The following BTBD7 variants were observed in gnomAD, a reference collection of about 807,000 sequenced individuals.
The protein encoded by BTBD7 is BTB domain containing 7.
In BTBD7, 38 loss-of-function variants were observed where a neutral mutation model predicts 99.9. The observed-to-expected ratio is 0.38, with a 90% CI of 0.29 to 0.50. The LOEUF (loss-of-function observed/expected upper bound fraction) is 0.50, where lower values mean the gene tolerates loss of function less well. Among genes scored for constraint, BTBD7 ranks in the 20% least tolerant of loss-of-function variants. The pLI is 0.93. For missense variants in BTBD7, 1,170 were observed against 1,394.6 expected, an observed-to-expected ratio of 0.84 and a Z score of 2.57; for synonymous variants, 520 against 511.4, an observed-to-expected ratio of 1.02 and a Z score of -0.23.
Position 93,294,518 on chromosome 14 carries a change from T to TA in BTBD7, c.501dup (p.Lys168Ter). ...TCTGGTGAGGAAGAAAGCAGTGTTT[T>TA]AAAAAATGGACACCTTGCTGCCAAA... On this transcript the variant is annotated frameshift_variant, in exon 3 of 11. Coordinates refer to ENST00000334746, the MANE Select transcript of BTBD7 (RefSeq NM_001002860.4). LOFTEE classifies it high-confidence loss of function. The TA allele has an allele frequency of 3.1e-6, 5 of 1,613,988 alleles. No individual in the cohort carries two copies. The highest frequency in any genetic ancestry group is 4.2e-6 in the Non-Finnish European group (5 of 1,179,960).
chr14:93,252,446 C>T (rs1261192462), intron 7 of BTBD7, among the ~76,000 whole-genome samples: 2 of 151,844 alleles, frequency 1.3e-5, no homozygotes, highest in East Asian at 3.9e-4. Flanking sequence ...GTCTTGACCT[C>T]CCAGGCTCAA....
At chr14:93,278,498 T>C (rs1386258103) in intron 3 of BTBD7, among the ~76,000 whole-genome samples, 1 of 152,168 alleles carries the variant, frequency 6.6e-6, no homozygotes, top group Non-Finnish European at 1.5e-5. Flanking sequence ...ACAGTGCACC[T>C]CACAGATGAT....
At position 93,242,047 on chromosome 14, in the gene BTBD7, G is replaced by A. The variant is rs1338489708; in HGVS notation, c.*226C>T. On this transcript the variant is annotated 3_prime_UTR_variant, in exon 11 of 11. Coordinates refer to ENST00000334746, the MANE Select transcript of BTBD7 (RefSeq NM_001002860.4). ...CTGCTTGTTCTTAAAAATGCCTCCC[G>A]ACATAATTGTTCAAAGACAAATTAG... The A allele has an allele frequency of 1.6e-5, 8 of 494,866 alleles. No homozygotes were observed. Among genetic ancestry groups the A allele is most frequent in the African/African-American group, 1.4e-4 (7 of 51,222 alleles). The allele number at this position is 494,866 out of a possible 1,614,324, so 30.7% of individuals were successfully genotyped here.
intron 3 of BTBD7, among the ~76,000 whole-genome samples, chr14:93,290,283 G>C (rs2052833301): frequency 6.6e-6 from 1 of 151,442 alleles, no homozygotes; most frequent in Admixed American, 6.6e-5. Flanking sequence ...TGCGATCTCA[G>C]CTCACTGCAA....
At chr14:93,271,742 C>T (rs2052603180) in intron 3 of BTBD7, among the ~76,000 whole-genome samples, 1 of 152,230 alleles carries the variant, frequency 6.6e-6, no homozygotes, top group Non-Finnish European at 1.5e-5. Flanking sequence ...TGATGGCTCA[C>T]ACCGGTAATC....
chr14:93,286,382 G>A (rs1210176193), intron 3 of BTBD7, among the ~76,000 whole-genome samples: 1 of 152,198 alleles, frequency 6.6e-6, no homozygotes, highest in Non-Finnish European at 1.5e-5. Context: ...CAAAGCCCCT[G>A]TTCTCTGGCT....
intron 2 of BTBD7, 47 bp downstream of exon 2, chr14:93,295,923 C>T: frequency 6.4e-7 from 1 of 1,568,410 alleles, no homozygotes; most frequent in Non-Finnish European, 8.8e-7. Flanking sequence ...AAACACAATT[C>T]TATTATAGTC....
chr14:93,278,526 A>C (rs1595305372), intron 3 of BTBD7, among the ~76,000 whole-genome samples: 1 of 152,220 alleles, frequency 6.6e-6, no homozygotes, highest in African/African-American at 2.4e-5. Flanking sequence ...CAGAGATCAT[A>C]TTCCCTCTTC....
In BTBD7 at chr14:93,242,392, T is replaced by C. The variant is rs1236187349; in HGVS notation, c.3280A>G (p.Ser1094Gly). ...TGAGCTCCATGGCCCAGGGACTCAC[T>C]GTCTGCCAGTCTTCTACCGGATCTC... ...EERSGRRLAD[S>G]ESLGHGAQRN... Residue 1094 changes from serine (S) to glycine (G), a missense_variant, in exon 11 of 11, where the codon AGT becomes GGT. Physicochemically the swap from Ser to Gly is moderately conservative, Grantham distance 56. Coordinates refer to ENST00000334746, the MANE Select transcript of BTBD7 (RefSeq NM_001002860.4). 5 of 1,614,106 alleles carry C rather than the reference T, an allele frequency of 3.1e-6. No homozygotes were observed. The African/African-American group carries it at 5.3e-5, about 17-fold the overall frequency.
chr14:93,326,416 G>A (rs1002725140), intron 1 of BTBD7, among the ~76,000 whole-genome samples: 3 of 152,280 alleles, frequency 2.0e-5, no homozygotes, highest in South Asian at 2.1e-4. Context: ...CTGGTGAGTC[G>A]TGATTGCACC....
chr14:93,309,088 TA>T (rs1415051577), intron 1 of BTBD7, among the ~76,000 whole-genome samples: 1 of 152,206 alleles, frequency 6.6e-6, no homozygotes, highest in Non-Finnish European at 1.5e-5. Context: ...CTCCCTTTTT[TA>T]AACATTCCCC....
chr14:93,261,487 AT>A, intron 5 of BTBD7, 114 bp downstream of exon 5: 1 of 834,378 alleles, frequency 1.2e-6, no homozygotes, highest in Non-Finnish European at 2.0e-6. Flanking sequence ...AAAAACTTCC[AT>A]TTTCACCAGG....
At chr14:93,324,377 G>T (rs1332089543) in intron 1 of BTBD7, among the ~76,000 whole-genome samples, 1 of 149,094 alleles carries the variant, frequency 6.7e-6, no homozygotes, top group African/African-American at 2.5e-5. Context: ...AGCTGTGATT[G>T]TATCACTGCA....
intron 3 of BTBD7, among the ~76,000 whole-genome samples, chr14:93,266,402 A>G (rs2052544289): frequency 6.6e-6 from 1 of 152,152 alleles, no homozygotes; most frequent in African/African-American, 2.4e-5. Context: ...ATCACAGGAA[A>G]AAAGCTCCAA....
intron 1 of BTBD7, among the ~76,000 whole-genome samples, chr14:93,324,314 T>A (rs1025295311): frequency 1.3e-5 from 2 of 151,510 alleles, no homozygotes; most frequent in East Asian, 3.9e-4. Flanking sequence ...TGGCTACTTC[T>A]CAGAAGCCTG....
rs1307791653 is a variant in BTBD7, at chr14:93,239,609, C to CACCTA, written c.*2659_*2663dup. 6.6e-6 allele frequency: 1 copy of CACCTA among 152,558 alleles called. No homozygotes were observed. The highest frequency in any genetic ancestry group is 1.5e-5 in the Non-Finnish European group (1 of 68,034). The allele number at this position is 152,558 out of a possible 1,614,324, so 9.5% of individuals were successfully genotyped here. A position where few individuals can be genotyped will look rare whatever the true frequency, so the allele number is the denominator to read the frequency against. On this transcript the variant is annotated 3_prime_UTR_variant, in exon 11 of 11. Coordinates refer to ENST00000334746, the MANE Select transcript of BTBD7 (RefSeq NM_001002860.4). ...ACAAGATACATTAAAAGTCCACTAA[C>CACCTA]ACCTAACCTAACGCACACAAAACCC...
Position 93,328,611 on chromosome 14 carries a change from TAAAAAAA to T in BTBD7, c.-107+4202_-107+4208del, listed in dbSNP as rs57161505. Among the ~76,000 whole-genome samples the T allele has an allele frequency of 2.8e-4, 29 of 101,872 alleles. No individual in the cohort carries two copies. In the East Asian group the frequency reaches 7.3e-3, roughly 26 times the overall value. The allele number at this position is 101,872 out of a possible 152,430, so 66.8% of individuals were successfully genotyped here. A position where few individuals can be genotyped will look rare whatever the true frequency, so the allele number is the denominator to read the frequency against. ...TAAGAGCCAGAACTATAAAATTCTT[TAAAAAAA>T]AAAAAAAAAAAAAAAAAAGGCTGGG... On this transcript the variant is annotated intron_variant, in intron 1 of 10. Transcript: ENST00000334746.
intron 8 of BTBD7, among the ~76,000 whole-genome samples, chr14:93,250,774 C>T (rs1422712670): frequency 6.6e-6 from 1 of 152,148 alleles, no homozygotes; most frequent in Non-Finnish European, 1.5e-5. Flanking sequence ...AGCCAATTCC[C>T]CTAAAGTCGT....
chr14:93,253,578 T>C lies in BTBD7; in HGVS notation c.1752+69A>G, dbSNP rs947253628. The C allele has an allele frequency of 9.2e-6, 13 of 1,413,524 alleles. No individual in the cohort carries two copies. The African/African-American group carries it at 1.5e-4, about 17-fold the overall frequency. The allele number at this position is 1,413,524 out of a possible 1,614,324, so 87.6% of individuals were successfully genotyped here. A position where few individuals can be genotyped will look rare whatever the true frequency, so the allele number is the denominator to read the frequency against. On this transcript the variant is annotated intron_variant, in intron 7 of 10. Transcript: ENST00000334746. ...CTATTTCCAAATATTTAAGTAATAC[T>C]ACAGTGAACCACTTTGTGCATATGG...
Sources: gnomAD v4.1 joint callset for allele counts (sites outside exome capture counted in the v4.1 genomes callset) on GRCh38, gnomAD v4.1.1 for gene constraint, MANE v1.5 for transcripts, NCBI Gene and HGNC (gene_info 2026-07-23, HGNC 2026-07-21) for gene names.